Variants in MYO9A observed in about 807,000 individuals in gnomAD.
The protein encoded by MYO9A is myosin IXA.
A neutral mutation model predicts 293.3 loss-of-function variants in MYO9A; 103 were observed. The observed-to-expected ratio is 0.35, with a 90% CI of 0.30 to 0.41. The LOEUF is 0.41. Among genes scored for constraint, MYO9A ranks in the 10% least tolerant of loss-of-function variants. The pLI is 1.00. For synonymous variants in MYO9A, 1,001 were observed against 1,035.7 expected, an observed-to-expected ratio of 0.97 and a Z score of 0.64; for missense variants, 2,685 against 3,033.0, an observed-to-expected ratio of 0.89 and a Z score of 2.69.
At chr15:71,893,009 G>A (rs1333043305) in intron 26 of MYO9A, 2 of 1,289,388 alleles carry the variant, frequency 1.6e-6, no homozygotes, top group Admixed American at 2.3e-5. Context: ...CTGGGTGCAG[G>A]CCCTAGCTCA....
At chr15:71,887,379 T>C (rs996184070) in intron 27 of MYO9A, among the ~76,000 whole-genome samples, 2 of 152,164 alleles carry the variant, frequency 1.3e-5, no homozygotes, top group African/African-American at 2.4e-5. Context: ...AGAAAAGCTC[T>C]CTACCCTCCC....
At position 71,974,871 on chromosome 15, in the gene MYO9A, T is replaced by C. The variant is rs538702225; in HGVS notation, c.1844+3300A>G. Among the ~76,000 whole-genome samples the C allele has an allele frequency of 8.5e-5, 13 of 152,320 alleles. No individual in the cohort carries two copies. The South Asian group carries it at 2.7e-3, about 32-fold the overall frequency. ...TCTAAACCAGCACAGTGGCAATTCT[T>C]AATGTGCCTTCCAAAGGAGGAAAAG... On this transcript the variant is annotated intron_variant, in intron 12 of 41. Transcript: ENST00000356056.
intron 1 of MYO9A, among the ~76,000 whole-genome samples, chr15:72,099,833 C>G (rs1423573925): frequency 1.5e-5 from 2 of 133,774 alleles, no homozygotes; most frequent in South Asian, 2.5e-4. Flanking sequence ...ACCCAGGAGG[C>G]TGAGGCTGCA....
chr15:71,924,653 G>A (rs1469090169), intron 18 of MYO9A, among the ~76,000 whole-genome samples: 1 of 152,084 alleles, frequency 6.6e-6, no homozygotes, highest in African/African-American at 2.4e-5. Context: ...AGGCGTGGTG[G>A]CTCACGCCTG....
At chr15:71,828,314 C>CTGAT (rs1186364277) in intron 40 of MYO9A, among the ~76,000 whole-genome samples, 1 of 152,146 alleles carries the variant, frequency 6.6e-6, no homozygotes, top group African/African-American at 2.4e-5. Context: ...GAACTCTGGA[C>CTGAT]TGATAAGCAG....
Position 71,959,883 on chromosome 15 carries a change from C to T in MYO9A, c.2182+18G>A. 7.3e-7 allele frequency: 1 copy of T among 1,378,100 alleles called. No individual in the cohort carries two copies. The highest frequency in any genetic ancestry group is 1.0e-6 in the Non-Finnish European group (1 of 980,980). 85.4% of individuals were successfully genotyped at this position (1,378,100 alleles called of 1,614,324 possible). On this transcript the variant is annotated intron_variant, in intron 14 of 41. Transcript: ENST00000356056. ...AAAAAAGATGAAGTATGGTAGAATACTAATAACTACTACTTACCAGTTTTT... is the reference window on the plus strand; with the variant it reads ...AAAAAAGATGAAGTATGGTAGAATATTAATAACTACTACTTACCAGTTTTT...
chr15:71,884,751 G>C (rs2056970561), intron 27 of MYO9A, among the ~76,000 whole-genome samples: 1 of 151,980 alleles, frequency 6.6e-6, no homozygotes, highest in Admixed American at 6.6e-5. Flanking sequence ...TCATTTGTCT[G>C]TTCAATCATT....
chr15:71,863,021 G>C (rs1207554955), intron 32 of MYO9A, among the ~76,000 whole-genome samples: 2 of 151,000 alleles, frequency 1.3e-5, no homozygotes, highest in Non-Finnish European at 2.9e-5. Context: ...CGCCTCCTGG[G>C]TTCAGGCAAT....
At chr15:71,853,220 CTT>C (rs767120122) in intron 35 of MYO9A, among the ~76,000 whole-genome samples, 3 of 152,234 alleles carry the variant, frequency 2.0e-5, no homozygotes, top group African/African-American at 7.2e-5. Flanking sequence ...ACAGACCACA[CTT>C]TGAGTAACAA....
In MYO9A at chr15:71,898,645, G is replaced by A. The variant is rs569896826; in HGVS notation, c.3858C>T (p.Ser1286=). The change falls in exon 25 of 42, where the codon AGC becomes AGT. Residue 1286 remains serine, a synonymous_variant. Coordinates refer to ENST00000356056, the MANE Select transcript of MYO9A (RefSeq NM_006901.4). Reference sequence around the variant, plus strand: ...GAGAACGAACTTTCAGCAATTCTAAGCTAAATATAGCTTGCTCTAGTTCTC... The same window carrying A: ...GAGAACGAACTTTCAGCAATTCTAAACTAAATATAGCTTGCTCTAGTTCTC... The part of the protein sequence containing the change: ...RMRELEQAIF[S]LELLKVRSLG... The A allele has an allele frequency of 1.2e-6, 2 of 1,613,930 alleles. No individual in the cohort carries two copies. Among genetic ancestry groups the A allele is most frequent in the East Asian group, 4.5e-5 (2 of 44,872 alleles).
At chr15:71,925,766 C>A (rs2145357345) in intron 18 of MYO9A, among the ~76,000 whole-genome samples, 1 of 152,164 alleles carries the variant, frequency 6.6e-6, no homozygotes, top group Admixed American at 6.5e-5. Flanking sequence ...ACATCACTTA[C>A]CATTTTGAGT....
chr15:71,937,803 A>C (rs1393732059), intron 16 of MYO9A, among the ~76,000 whole-genome samples: 1 of 152,112 alleles, frequency 6.6e-6, no homozygotes, highest in Admixed American at 6.6e-5. Context: ...TTTTTTATAT[A>C]ATCAAGAAAA....
At chr15:71,875,127 A>G (rs1004635178) in intron 32 of MYO9A, among the ~76,000 whole-genome samples, 1 of 151,974 alleles carries the variant, frequency 6.6e-6, no homozygotes, top group African/African-American at 2.4e-5. Context: ...TATATGTGAT[A>G]TATATTTTGT....
chr15:72,031,684 T>C (rs534915735), intron 3 of MYO9A, among the ~76,000 whole-genome samples: 3 of 151,814 alleles, frequency 2.0e-5, no homozygotes, highest in African/African-American at 4.8e-5. Flanking sequence ...TTGCTGTACT[T>C]TTCCACTTAT....
chr15:72,087,864 C>T (rs2079790132), intron 1 of MYO9A, among the ~76,000 whole-genome samples: 1 of 152,156 alleles, frequency 6.6e-6, no homozygotes, highest in African/African-American at 2.4e-5. Context: ...ATGTACTGAA[C>T]TGTGCTGTTC....
intron 1 of MYO9A, among the ~76,000 whole-genome samples, chr15:72,092,423 T>C (rs902479939): frequency 1.3e-5 from 2 of 152,074 alleles, no homozygotes; most frequent in Non-Finnish European, 2.9e-5. Flanking sequence ...GTATAAATAT[T>C]TTAGGCCTTA....
intron 18 of MYO9A, among the ~76,000 whole-genome samples, chr15:71,922,381 ATAT>A (rs1435985460): frequency 6.6e-6 from 1 of 152,222 alleles, no homozygotes; most frequent in Non-Finnish European, 1.5e-5. Context: ...GCACAATGTG[ATAT>A]TATGACACAT....
Position 71,893,079 on chromosome 15 carries a change from C to T in MYO9A, c.5142+600G>A, listed in dbSNP as rs768833949. On this transcript the variant is annotated intron_variant, in intron 26 of 41. Coordinates refer to ENST00000356056, the MANE Select transcript of MYO9A (RefSeq NM_006901.4). ...CAATAATGTCATCGTAATCATCTTC[C>T]TCTGTATCCCCCTCCCCATCGGCAA... 14 of 1,289,912 alleles carry T rather than the reference C, an allele frequency of 1.1e-5. 1 individual carries two copies. In the South Asian group the frequency reaches 1.4e-4, roughly 13 times the overall value. 79.9% of individuals were successfully genotyped at this position (1,289,912 alleles called of 1,614,324 possible).
intron 6 of MYO9A, among the ~76,000 whole-genome samples, chr15:72,018,430 T>C (rs2077403660): frequency 6.6e-6 from 1 of 152,094 alleles, no homozygotes; most frequent in Admixed American, 6.6e-5. Flanking sequence ...ATCATGTCAC[T>C]GTACTCCAGT....
Sources: gnomAD v4.1 joint callset for allele counts (sites outside exome capture counted in the v4.1 genomes callset) on GRCh38, gnomAD v4.1.1 for gene constraint, MANE v1.5 for transcripts, NCBI Gene and HGNC (gene_info 2026-07-23, HGNC 2026-07-21) for gene names.